The following RALGAPB variants were observed in gnomAD, a reference collection of about 807,000 sequenced individuals.
RALGAPB encodes Ral GTPase activating protein non-catalytic subunit beta, also known as ral GTPase-activating protein subunit beta.
A neutral mutation model predicts 161.1 loss-of-function variants in RALGAPB; 25 were observed. The observed-to-expected ratio is 0.16, with a 90% CI of 0.11 to 0.22. The LOEUF is 0.22. Ranked by LOEUF, RALGAPB falls within the 10% of genes least tolerant of loss-of-function variation. The probability of loss-of-function intolerance (pLI) is 1.00; values close to 1 mark genes in which losing one functional copy is unlikely to be tolerated. For synonymous variants in RALGAPB, 629 were observed against 626.1 expected, an observed-to-expected ratio of 1.00 and a Z score of -0.07; for missense variants, 1,391 against 1,815.2, an observed-to-expected ratio of 0.77 and a Z score of 4.25.
chr20:38,516,393 G>C, intron 7 of RALGAPB, 23 bp downstream of exon 7: 2 of 1,596,048 alleles, frequency 1.3e-6, no homozygotes, highest in Non-Finnish European at 1.7e-6. Context: ...TATGTTGCTA[G>C]ATGTATGAAG....
chr20:38,530,670 C>T (rs531668967), intron 13 of RALGAPB, among the ~76,000 whole-genome samples: 1 of 150,670 alleles, frequency 6.6e-6, no homozygotes, highest in East Asian at 1.9e-4. Flanking sequence ...AATTTCGGCT[C>T]ACTGCAACCT....
intron 1 of RALGAPB, among the ~76,000 whole-genome samples, chr20:38,481,532 C>T (rs1408066027): frequency 6.6e-6 from 1 of 152,178 alleles, no homozygotes; most frequent in African/African-American, 2.4e-5. Flanking sequence ...GAGATTCATT[C>T]GCTGTCATGA....
intron 20 of RALGAPB, among the ~76,000 whole-genome samples, chr20:38,549,541 A>T (rs1362515847): frequency 3.9e-4 from 48 of 122,750 alleles, no homozygotes; most frequent in Non-Finnish European, 5.4e-4. Flanking sequence ...ATTAAAAAAA[A>T]AAAAAAAAAT....
At chr20:38,539,634 C>A (rs1256411782) in intron 16 of RALGAPB, 142 bp from the exon 17 acceptor site, 2 of 665,674 alleles carry the variant, frequency 3.0e-6, no homozygotes, top group East Asian at 5.7e-5. Flanking sequence ...ATAATCTGTT[C>A]CTGTATATAA....
intron 4 of RALGAPB, 147 bp downstream of exon 4, chr20:38,497,663 T>G: frequency 1.1e-6 from 1 of 879,410 alleles, no homozygotes. Context: ...ATGGAAACTC[T>G]CAGGCACAAT....
At chr20:38,569,108 A>G (rs116446507) in intron 26 of RALGAPB, 6 of 152,214 alleles carry the variant, frequency 3.9e-5, no homozygotes, top group South Asian at 2.1e-4. Flanking sequence ...GGGACTTGCC[A>G]TGGACTCTGG....
intron 24 of RALGAPB, among the ~76,000 whole-genome samples, chr20:38,564,712 A>C (rs1019965179): frequency 8.5e-5 from 13 of 152,170 alleles, no homozygotes; most frequent in Non-Finnish European, 1.5e-5. Flanking sequence ...ATTTTTATAC[A>C]GTGTCACTGA....
intron 22 of RALGAPB, among the ~76,000 whole-genome samples, chr20:38,556,734 T>TA (rs199532597): frequency 4.0e-5 from 6 of 148,516 alleles, no homozygotes; most frequent in Admixed American, 2.0e-4. Context: ...TACCTTACTT[T>TA]AAAAAAAAAA....
intron 6 of RALGAPB, 61 bp downstream of exon 6, chr20:38,509,269 A>T: frequency 6.5e-7 from 1 of 1,533,720 alleles, no homozygotes; most frequent in Non-Finnish European, 9.0e-7. Flanking sequence ...GGCAGGAATC[A>T]TGCTGTAAGT....
chr20:38,572,787 G>C (rs1213070473), intron 28 of RALGAPB, among the ~76,000 whole-genome samples: 1 of 152,256 alleles, frequency 6.6e-6, no homozygotes, highest in East Asian at 1.9e-4. Flanking sequence ...TTTTCAGATA[G>C]CTAAACAACA....
intron 7 of RALGAPB, chr20:38,516,603 GC>G (rs2086131601): frequency 2.3e-6 from 1 of 434,528 alleles, no homozygotes; most frequent in Non-Finnish European, 4.0e-6. Context: ...TAAAAGTAAT[GC>G]GGCCAAAACT....
intron 10 of RALGAPB, among the ~76,000 whole-genome samples, chr20:38,522,624 T>TG: frequency 6.6e-6 from 1 of 152,184 alleles, no homozygotes; most frequent in East Asian, 1.9e-4. Flanking sequence ...TCTGCATACT[T>TG]GCTAGGTTCT....
chr20:38,562,126 T>A lies in RALGAPB; in HGVS notation c.3532-406T>A, dbSNP rs577346812. ...TTATAGCATTTATCAAGATTTATAGTTAAATAATTGCATACCTATGTAATG... is the reference window on the plus strand; with the variant it reads ...TTATAGCATTTATCAAGATTTATAGATAAATAATTGCATACCTATGTAATG... On this transcript the variant is annotated intron_variant, in intron 23 of 29. Coordinates refer to ENST00000262879, the MANE Select transcript of RALGAPB (RefSeq NM_020336.4). Among the ~76,000 whole-genome samples, 25 of 152,380 alleles carry A rather than the reference T, an allele frequency of 1.6e-4. No individual in the cohort carries two copies. The South Asian group carries it at 3.1e-3, about 19-fold the overall frequency.
rs1048367047 is a variant in RALGAPB, at chr20:38,497,619, G to A, written c.553+103G>A. 5.5e-6 allele frequency: 7 copies of A among 1,273,390 alleles called. No homozygotes were observed. The African/African-American group carries it at 9.1e-5, about 17-fold the overall frequency. The allele number at this position is 1,273,390 out of a possible 1,614,324, so 78.9% of individuals were successfully genotyped here. A position where few individuals can be genotyped will look rare whatever the true frequency, so the allele number is the denominator to read the frequency against. ...TCATTGGGGATTTAAATTTTGGCAT[G>A]ATGGTTTACAAACAAAGGTTAACAG... On this transcript the variant is annotated intron_variant, in intron 4 of 29. Transcript: ENST00000262879.
At chr20:38,490,232 G>A (rs1444976149) in intron 2 of RALGAPB, among the ~76,000 whole-genome samples, 9 of 151,318 alleles carry the variant, frequency 5.9e-5, no homozygotes, top group South Asian at 4.2e-4. Flanking sequence ...TTTTTGAGAC[G>A]GAGTCTCGCT....
chr20:38,557,892 T>A (rs757890304), intron 22 of RALGAPB, among the ~76,000 whole-genome samples: 7 of 152,246 alleles, frequency 4.6e-5, no homozygotes, highest in Non-Finnish European at 1.0e-4. Context: ...TACCAAGGTG[T>A]GCAGTTGCTG....
chr20:38,529,601 G>C (rs1213554749), intron 13 of RALGAPB, among the ~76,000 whole-genome samples: 3 of 152,138 alleles, frequency 2.0e-5, no homozygotes, highest in African/African-American at 7.2e-5. Flanking sequence ...GGGAGGCCGA[G>C]GTGGGTGGAT....
At position 38,532,726 on chromosome 20, in the gene RALGAPB, C is replaced by G. The variant is rs1438333706; in HGVS notation, c.2116-4C>G. 1.2e-6 allele frequency: 2 copies of G among 1,613,212 alleles called. No individual in the cohort carries two copies. Among genetic ancestry groups the G allele is most frequent in the Non-Finnish European group, 8.5e-7 (1 of 1,179,354 alleles). On this transcript the variant is annotated splice_polypyrimidine_tract_variant and splice_region_variant and intron_variant, in intron 14 of 29. Coordinates refer to ENST00000262879, the MANE Select transcript of RALGAPB (RefSeq NM_020336.4). ...CCTCACTTGATTCATTTTCATTTGA[C>G]TAGGGTGGTGGAGAAAATAACCTGA... is the stretch of plus-strand genomic sequence containing the variant.
rs868082485 is a variant in RALGAPB at position 38,567,081 on chromosome 20, T to C, written c.3818-15T>C. ...TGGTATGTATTATAGTTGCTTTTTTTCCTTTACCCCATAGCTGATTCATTG... is the reference window on the plus strand; with the variant it reads ...TGGTATGTATTATAGTTGCTTTTTTCCCTTTACCCCATAGCTGATTCATTG... On this transcript the variant is annotated splice_polypyrimidine_tract_variant and intron_variant, in intron 25 of 29. Coordinates refer to ENST00000262879, the MANE Select transcript of RALGAPB (RefSeq NM_020336.4). 7.5e-6 allele frequency: 12 copies of C among 1,609,630 alleles called. No homozygotes were observed. The Middle Eastern group carries it at 1.3e-3, about 178-fold the overall frequency.
Sources: gnomAD v4.1 joint callset for allele counts (sites outside exome capture counted in the v4.1 genomes callset) on GRCh38, gnomAD v4.1.1 for gene constraint, MANE v1.5 for transcripts, NCBI Gene and HGNC (gene_info 2026-07-23, HGNC 2026-07-21) for gene names.